The following CNTNAP5 variants were observed in gnomAD, a reference collection of about 807,000 sequenced individuals.
The protein encoded by CNTNAP5 is contactin associated protein family member 5.
In CNTNAP5, 72 loss-of-function variants were observed where a neutral mutation model predicts 150.2. The observed-to-expected ratio is 0.48, with a 90% CI of 0.40 to 0.58. CNTNAP5 has a LOEUF of 0.58. Ranked by LOEUF, CNTNAP5 falls within the 20% of genes least tolerant of loss-of-function variation. The pLI, the probability that CNTNAP5 is intolerant of heterozygous loss-of-function variation, is 0.00. For synonymous variants in CNTNAP5, 672 were observed against 619.8 expected (o/e 1.08, Z -1.25); for missense variants, 1,636 against 1,626.2 (o/e 1.01, Z -0.10).
chr2:124,760,266 C>A (rs997304952), intron 14 of CNTNAP5, among the ~76,000 whole-genome samples: 3 of 151,828 alleles, frequency 2.0e-5, no homozygotes, highest in South Asian at 2.1e-4. Context: ...ATATATATAA[C>A]GTTTTATTTG....
intron 5 of CNTNAP5, among the ~76,000 whole-genome samples, chr2:124,441,856 CATAT>C (rs144122316): frequency 1.1e-4 from 16 of 145,282 alleles, no homozygotes; most frequent in African/African-American, 1.0e-4. Flanking sequence ...TATCTTTGGG[CATAT>C]ATATATATAT....
intron 11 of CNTNAP5, among the ~76,000 whole-genome samples, chr2:124,609,547 C>T (rs72841384): frequency 0.021 from 3,237 of 151,968 alleles, 40 homozygotes; most frequent in Middle Eastern, 0.037. Context: ...TGCCGTGAGC[C>T]GTGATCGTGC....
intron 19 of CNTNAP5, among the ~76,000 whole-genome samples, chr2:124,826,591 G>A (rs1041595128): frequency 4.6e-5 from 7 of 152,102 alleles, no homozygotes; most frequent in Admixed American, 4.6e-4. Context: ...TGGACCAACA[G>A]AAGGAGCTTC....
intron 11 of CNTNAP5, among the ~76,000 whole-genome samples, chr2:124,608,121 C>A (rs1677295995): frequency 6.6e-6 from 1 of 152,260 alleles, no homozygotes; most frequent in Middle Eastern, 3.4e-3. Flanking sequence ...GCTTCCTCTT[C>A]CTGGGATGGG....
intron 3 of CNTNAP5, among the ~76,000 whole-genome samples, chr2:124,282,544 T>C (rs571508811): frequency 9.0e-4 from 137 of 152,188 alleles, no homozygotes; most frequent in African/African-American, 3.2e-3. Flanking sequence ...TGACAACAGC[T>C]GAAAGTTTCT....
intron 19 of CNTNAP5, among the ~76,000 whole-genome samples, chr2:124,834,791 G>GTATATATATATA (rs35344366): frequency 4.1e-5 from 6 of 147,486 alleles, no homozygotes; most frequent in African/African-American, 1.5e-4. Flanking sequence ...ATATTTCACA[G>GTATATATATATA]TATATATATA....
chr2:124,740,110 G>A (rs962364708), intron 13 of CNTNAP5, among the ~76,000 whole-genome samples: 2 of 149,034 alleles, frequency 1.3e-5, no homozygotes, highest in African/African-American at 2.4e-5. Context: ...ATATAAATTA[G>A]TAATTTTATA....
chr2:124,495,692 G>A (rs775645499), intron 7 of CNTNAP5, among the ~76,000 whole-genome samples: 1 of 152,222 alleles, frequency 6.6e-6, no homozygotes, highest in Non-Finnish European at 1.5e-5. Context: ...GAAGCAGAAT[G>A]TTGCCTGTCC....
chr2:124,793,475 T>C (rs905706919), intron 18 of CNTNAP5, among the ~76,000 whole-genome samples: 1 of 152,216 alleles, frequency 6.6e-6, no homozygotes, highest in African/African-American at 2.4e-5. Flanking sequence ...TCCAGTTCTA[T>C]GGGCTGTATT....
At chr2:124,471,977 T>C (rs919589811) in intron 6 of CNTNAP5, among the ~76,000 whole-genome samples, 11 of 152,118 alleles carry the variant, frequency 7.2e-5, no homozygotes, top group African/African-American at 2.4e-4. Context: ...AATTTACAAG[T>C]TCATTGGTAA....
At chr2:124,755,913 C>T (rs1680830701) in intron 14 of CNTNAP5, among the ~76,000 whole-genome samples, 1 of 152,092 alleles carries the variant, frequency 6.6e-6, no homozygotes, top group Non-Finnish European at 1.5e-5. Context: ...GTGGATTTGT[C>T]ACTTATTAAC....
At position 124,917,824 on chromosome 2, in the gene CNTNAP5, G is replaced by A. The variant is rs565757913; in HGVS notation, c.*3536G>A. Reference sequence around the variant, plus strand: ...TGGCAAGGCATGTATTGTTGCAACAGGGCCACACATAAAGTGTCCTAGAAT... The same window carrying A: ...TGGCAAGGCATGTATTGTTGCAACAAGGCCACACATAAAGTGTCCTAGAAT... On this transcript the variant is annotated 3_prime_UTR_variant, in exon 24 of 24. Transcript: ENST00000682447. Among the ~76,000 whole-genome samples the A allele has an allele frequency of 6.6e-6, 1 of 152,174 alleles. No individual in the cohort carries two copies. The highest frequency in any genetic ancestry group is 2.1e-4 in the South Asian group (1 of 4,828).
At chr2:124,112,742 C>T (rs954832127) in intron 1 of CNTNAP5, among the ~76,000 whole-genome samples, 2 of 152,192 alleles carry the variant, frequency 1.3e-5, no homozygotes, top group East Asian at 1.9e-4. Flanking sequence ...ATTTGTACTT[C>T]TTGTTTTTCT....
chr2:124,551,417 A>T (rs1695624964), intron 10 of CNTNAP5, among the ~76,000 whole-genome samples: 1 of 152,178 alleles, frequency 6.6e-6, no homozygotes, highest in African/African-American at 2.4e-5. Flanking sequence ...TTAGAATGGA[A>T]AGACATAGAA....
At chr2:124,904,901 A>G (rs1297838272) in intron 22 of CNTNAP5, among the ~76,000 whole-genome samples, 2 of 151,564 alleles carry the variant, frequency 1.3e-5, no homozygotes, top group Admixed American at 1.3e-4. Context: ...AAACTAAAAA[A>G]CCCTCTGTAC....
At chr2:124,643,365 A>T (rs1678134365) in intron 12 of CNTNAP5, among the ~76,000 whole-genome samples, 1 of 152,220 alleles carries the variant, frequency 6.6e-6, no homozygotes, top group Non-Finnish European at 1.5e-5. Flanking sequence ...AAGTAGTATC[A>T]GAGGGCAATA....
At chr2:124,510,523 A>G (rs1439074460) in intron 8 of CNTNAP5, among the ~76,000 whole-genome samples, 84 of 143,718 alleles carry the variant, frequency 5.8e-4, no homozygotes, top group African/African-American at 2.0e-3. Flanking sequence ...ATATATACAT[A>G]TATCTCCATA....
intron 4 of CNTNAP5, among the ~76,000 whole-genome samples, chr2:124,425,688 A>G (rs1402955814): frequency 6.6e-6 from 1 of 152,120 alleles, no homozygotes; most frequent in South Asian, 2.1e-4. Context: ...ACAAGTCCTC[A>G]TTAGGGTAAT....
chr2:124,035,855 G>A (rs1281328774), intron 1 of CNTNAP5, among the ~76,000 whole-genome samples: 2 of 149,988 alleles, frequency 1.3e-5, no homozygotes, highest in Non-Finnish European at 2.9e-5. Context: ...GTCCTACTTC[G>A]TGGTCTCTCT....
Sources: allele counts gnomAD v4.1 joint callset (sites outside exome capture counted in the v4.1 genomes callset), GRCh38; gene constraint gnomAD v4.1.1; transcripts MANE v1.5; gene names NCBI Gene and HGNC (gene_info 2026-07-23, HGNC 2026-07-21).